Variants in HTR7 observed in about 807,000 individuals in gnomAD.
The protein encoded by HTR7 is 5-hydroxytryptamine receptor 7.
Under a neutral mutation model 34.0 loss-of-function variants are expected in HTR7, and 16 were observed. That is an observed-to-expected ratio of 0.47 (90% CI 0.32 to 0.71). The LOEUF is 0.71. Ranked by LOEUF, HTR7 falls within the 30% of genes least tolerant of loss-of-function variation. The probability of loss-of-function intolerance (pLI) is 0.04; values close to 1 mark genes in which losing one functional copy is unlikely to be tolerated. For synonymous variants in HTR7, 265 were observed against 260.2 expected, an observed-to-expected ratio of 1.02 and a Z score of -0.18; for missense variants, 504 against 625.5, an observed-to-expected ratio of 0.81 and a Z score of 2.07.
chr10:90,744,775 A>G (rs1844608705), intron 2 of HTR7, among the ~76,000 whole-genome samples: 1 of 152,150 alleles, frequency 6.6e-6, no homozygotes, highest in Admixed American at 6.5e-5. Flanking sequence ...GTCAATATTA[A>G]AAGTCCAAAT....
intron 1 of HTR7, among the ~76,000 whole-genome samples, chr10:90,824,893 C>T (rs901279181): frequency 6.6e-6 from 1 of 152,198 alleles, no homozygotes; most frequent in East Asian, 1.9e-4. Flanking sequence ...CTTTTCTGGG[C>T]CCATCTGGGG....
intron 1 of HTR7, among the ~76,000 whole-genome samples, chr10:90,771,984 C>T: frequency 6.6e-6 from 1 of 151,430 alleles, no homozygotes; most frequent in Non-Finnish European, 1.5e-5. Context: ...TTTAAAATAA[C>T]TTTTTTTTTA....
chr10:90,766,917 G>C (rs1845033924), intron 1 of HTR7, among the ~76,000 whole-genome samples: 1 of 152,234 alleles, frequency 6.6e-6, no homozygotes, highest in Admixed American at 6.5e-5. Context: ...TTGACAGACA[G>C]ACAGAGCTTC....
At chr10:90,778,946 C>T (rs367809913) in intron 1 of HTR7, among the ~76,000 whole-genome samples, 10 of 152,210 alleles carry the variant, frequency 6.6e-5, no homozygotes, top group Admixed American at 3.9e-4. Flanking sequence ...TGACCTTTGC[C>T]TTGTTCCTGC....
At chr10:90,767,875 G>A (rs1485568310) in intron 1 of HTR7, among the ~76,000 whole-genome samples, 1 of 152,094 alleles carries the variant, frequency 6.6e-6, no homozygotes, top group Non-Finnish European at 1.5e-5. Context: ...AAAGGTGGAA[G>A]CTTCTTAGAT....
intron 1 of HTR7, among the ~76,000 whole-genome samples, chr10:90,768,260 G>A (rs1359132507): frequency 6.6e-6 from 1 of 152,124 alleles, no homozygotes; most frequent in Non-Finnish European, 1.5e-5. Context: ...TATTGCAATA[G>A]CCTCTAAATT....
intron 1 of HTR7, among the ~76,000 whole-genome samples, chr10:90,822,557 T>C (rs538842884): frequency 2.0e-5 from 3 of 152,292 alleles, no homozygotes; most frequent in Non-Finnish European, 4.4e-5. Flanking sequence ...TTTGGAAAAT[T>C]TGTAGTCTGG....
At chr10:90,826,808 G>T (rs1038016690) in intron 1 of HTR7, among the ~76,000 whole-genome samples, 2 of 151,884 alleles carry the variant, frequency 1.3e-5, no homozygotes, top group South Asian at 2.1e-4. Context: ...GTGGTGGCGG[G>T]TGCCTGTGGT....
intron 1 of HTR7, among the ~76,000 whole-genome samples, chr10:90,819,344 TATATAA>T (rs760968844): frequency 5.2e-4 from 79 of 152,260 alleles, no homozygotes; most frequent in Admixed American, 1.0e-3. Context: ...TTTAAAAATA[TATATAA>T]ATATAAGTCT....
At chr10:90,823,675 GAT>G (rs1305518129) in intron 1 of HTR7, among the ~76,000 whole-genome samples, 1 of 152,182 alleles carries the variant, frequency 6.6e-6, no homozygotes, top group Admixed American at 6.5e-5. Flanking sequence ...GGAGCAGAAT[GAT>G]AGAGTTTGGC....
chr10:90,751,422 A>T (rs1003550365), intron 1 of HTR7, among the ~76,000 whole-genome samples: 1 of 152,104 alleles, frequency 6.6e-6, no homozygotes, highest in Non-Finnish European at 1.5e-5. Flanking sequence ...AGCCTTTCCC[A>T]GACATGGATT....
At chr10:90,811,281 C>T (rs1191640078) in intron 1 of HTR7, among the ~76,000 whole-genome samples, 1 of 152,180 alleles carries the variant, frequency 6.6e-6, no homozygotes, top group Non-Finnish European at 1.5e-5. Flanking sequence ...TGCTGCCACC[C>T]CAATACTTTC....
At chr10:90,845,541 G>A (rs951495473) in intron 1 of HTR7, among the ~76,000 whole-genome samples, 1 of 152,118 alleles carries the variant, frequency 6.6e-6, no homozygotes, top group African/African-American at 2.4e-5. Context: ...ACAGACACTC[G>A]AAAAACACCC....
chr10:90,809,829 G>T (rs1031837486), intron 1 of HTR7, among the ~76,000 whole-genome samples: 1 of 152,202 alleles, frequency 6.6e-6, no homozygotes, highest in Non-Finnish European at 1.5e-5. Flanking sequence ...CACTCCCAGA[G>T]CCCCTGGAAC....
rs1339695291 is a variant in HTR7 at position 90,857,842 on chromosome 10, C to T, written c.-171G>A. ...TCTCGGAGCCCCGCACTCCCCGGACCCCCGGCCGCTGCGGGTAACGCGGCA... is the reference window on the plus strand; with the variant it reads ...TCTCGGAGCCCCGCACTCCCCGGACTCCCGGCCGCTGCGGGTAACGCGGCA... On this transcript the variant is annotated 5_prime_UTR_variant, in exon 1 of 4. Coordinates refer to ENST00000336152, the MANE Select transcript of HTR7 (RefSeq NM_019859.4). The surrounding 1 kb of genome is among the most constrained non-coding windows in gnomAD (Gnocchi z 6.5). 1.7e-6 allele frequency: 1 copy of T among 580,514 alleles called. No individual in the cohort carries two copies. Among genetic ancestry groups the T allele is most frequent in the Non-Finnish European group, 2.5e-6 (1 of 400,030 alleles). 36.0% of individuals were successfully genotyped at this position (580,514 alleles called of 1,614,324 possible).
intron 1 of HTR7, among the ~76,000 whole-genome samples, chr10:90,790,280 T>C (rs1845443676): frequency 6.6e-6 from 1 of 152,206 alleles, no homozygotes; most frequent in Admixed American, 6.5e-5. Context: ...AATGACTTAA[T>C]TTGTGCTGCC....
chr10:90,846,616 G>T (rs1280696922), intron 1 of HTR7, among the ~76,000 whole-genome samples: 1 of 152,174 alleles, frequency 6.6e-6, no homozygotes, highest in Non-Finnish European at 1.5e-5. Context: ...CATATTCCAG[G>T]CAAGAAGATG....
chr10:90,849,510 T>C (rs532684782), intron 1 of HTR7, among the ~76,000 whole-genome samples: 2 of 152,194 alleles, frequency 1.3e-5, no homozygotes, highest in South Asian at 4.2e-4. Context: ...TCTGGTACAA[T>C]AGAGAAACTG....
chr10:90,823,434 C>T (rs183705790), intron 1 of HTR7, among the ~76,000 whole-genome samples: 11 of 152,320 alleles, frequency 7.2e-5, no homozygotes, highest in East Asian at 3.9e-4. Flanking sequence ...TGATTTCTCC[C>T]GCTTGGAATG....
Sources: gnomAD v4.1 joint callset for allele counts (sites outside exome capture counted in the v4.1 genomes callset) on GRCh38, gnomAD v4.1.1 for gene constraint, Gnocchi (gnomAD v3.1) non-coding constraint, MANE v1.5 for transcripts, NCBI Gene and HGNC (gene_info 2026-07-23, HGNC 2026-07-21) for gene names.